The following LARP1B variants were observed in gnomAD, a reference collection of about 807,000 sequenced individuals.
LARP1B encodes La ribonucleoprotein 1B, also known as la-related protein 1B.
LARP1B carries 76 observed loss-of-function variants against 114.2 expected under a neutral mutation model. The observed-to-expected ratio is 0.67, with a 90% CI of 0.55 to 0.81. The LOEUF (loss-of-function observed/expected upper bound fraction) is 0.81. Among genes scored for constraint, LARP1B ranks in the 30% least tolerant of loss-of-function variants. The pLI is 0.00. For synonymous variants in LARP1B, 345 were observed against 348.0 expected, an observed-to-expected ratio of 0.99 and a Z score of 0.10; for missense variants, 1,014 against 1,075.8, an observed-to-expected ratio of 0.94 and a Z score of 0.80.
intron 11 of LARP1B, chr4:128,123,214 G>A (rs1456798931): frequency 1.0e-6 from 1 of 985,254 alleles, no homozygotes; most frequent in Non-Finnish European, 1.2e-6. Context: ...CTGCCTTCTT[G>A]GAGGACCTGC....
At chr4:128,081,808 C>T (rs35619904) in intron 4 of LARP1B, among the ~76,000 whole-genome samples, 88,476 of 152,136 alleles carry the variant, frequency 0.58, 26,673 homozygotes, top group Middle Eastern at 0.8. Flanking sequence ...GATCTCGGCT[C>T]ACTGCAAGCT....
At chr4:128,214,619 C>T (rs1203709539), downstream of LARP1B, among the ~76,000 whole-genome samples, 7 of 128,652 alleles carry the variant, frequency 5.4e-5, no homozygotes, top group African/African-American at 1.8e-4. Flanking sequence ...CCAGAAAGGA[C>T]ATCTACACCG....
At chr4:128,107,471 C>T (rs763259478) in intron 9 of LARP1B, 158 bp downstream of exon 9, 1 of 1,449,876 alleles carries the variant, frequency 6.9e-7, no homozygotes, top group South Asian at 1.5e-5. Flanking sequence ...TTGCCTCACT[C>T]ACAGAGTTAC....
intron 15 of LARP1B, among the ~76,000 whole-genome samples, chr4:128,192,835 T>G (rs374670970): frequency 4.0e-5 from 6 of 151,818 alleles, no homozygotes; most frequent in African/African-American, 1.2e-4. Context: ...TTTCTTTGTT[T>G]TTTTTTTTTA....
At chr4:128,103,817 C>T (rs1279269632) in intron 8 of LARP1B, among the ~76,000 whole-genome samples, 3 of 152,004 alleles carry the variant, frequency 2.0e-5, no homozygotes, top group Non-Finnish European at 4.4e-5. Flanking sequence ...CCGTCTCGGC[C>T]TCCCAAAGTG....
intron 5 of LARP1B, among the ~76,000 whole-genome samples, chr4:128,084,293 A>T (rs1177394571): frequency 6.6e-6 from 1 of 152,290 alleles, no homozygotes; most frequent in Non-Finnish European, 1.5e-5. Flanking sequence ...TGGAGGTTGT[A>T]GCGAGCTGAG....
At chr4:128,148,263 C>G (rs1309485964) in intron 11 of LARP1B, among the ~76,000 whole-genome samples, 1 of 151,916 alleles carries the variant, frequency 6.6e-6, no homozygotes, top group Admixed American at 6.6e-5. Flanking sequence ...AAGTCCCTCT[C>G]TACTAAAAAT....
intron 11 of LARP1B, among the ~76,000 whole-genome samples, chr4:128,160,205 G>C (rs1243456077): frequency 6.6e-6 from 1 of 152,208 alleles, no homozygotes; most frequent in Non-Finnish European, 1.5e-5. Context: ...TAGCCTTTGG[G>C]CCTGTAGTTT....
At chr4:128,213,979 T>G (rs1343926932), downstream of LARP1B, among the ~76,000 whole-genome samples, 1 of 151,688 alleles carries the variant, frequency 6.6e-6, no homozygotes, top group Non-Finnish European at 1.5e-5. Context: ...GGCGAGGCAT[T>G]GCCTCACCTG....
chr4:128,177,839 T>G (rs1229124125), intron 13 of LARP1B, among the ~76,000 whole-genome samples: 3 of 152,104 alleles, frequency 2.0e-5, no homozygotes, highest in African/African-American at 7.2e-5. Context: ...AGAGAAATGC[T>G]TGTACCTGTA....
intron 11 of LARP1B, among the ~76,000 whole-genome samples, chr4:128,132,886 C>A (rs1278881797): frequency 6.6e-6 from 1 of 151,934 alleles, no homozygotes; most frequent in Non-Finnish European, 1.5e-5. Context: ...GAGCCCTAAG[C>A]TTGTTTTTCT....
chr4:128,089,333 T>C (rs1473781874), intron 5 of LARP1B, among the ~76,000 whole-genome samples: 1 of 152,192 alleles, frequency 6.6e-6, no homozygotes, highest in African/African-American at 2.4e-5. Flanking sequence ...TAGCAATATA[T>C]GAATGTTCTA....
chr4:128,172,996 C>G (rs1744465878), intron 12 of LARP1B, among the ~76,000 whole-genome samples: 1 of 146,428 alleles, frequency 6.8e-6, no homozygotes, highest in Non-Finnish European at 1.5e-5. Flanking sequence ...AAAATCTCAG[C>G]TGTTGTCCTT....
intron 8 of LARP1B, among the ~76,000 whole-genome samples, chr4:128,098,750 T>TATATATATAA: frequency 3.7e-5 from 1 of 27,344 alleles, no homozygotes; most frequent in East Asian, 1.3e-3. Flanking sequence ...TGTATGTGTA[T>TATATATATAA]ATATATATAT....
intron 18 of LARP1B, 73 bp downstream of exon 18, chr4:128,206,610 G>T: frequency 6.6e-7 from 1 of 1,512,890 alleles, no homozygotes. Flanking sequence ...AATAGGGAAG[G>T]AGTTCATAGT....
intron 1 of LARP1B, chr4:128,069,191 A>T: frequency 9.0e-7 from 1 of 1,111,064 alleles, no homozygotes; most frequent in African/African-American, 1.5e-5. Context: ...ATTGGGTGTC[A>T]GGATTTCTTC....
chr4:128,112,120 AC>A (rs1784324841), intron 9 of LARP1B, among the ~76,000 whole-genome samples: 1 of 152,150 alleles, frequency 6.6e-6, no homozygotes, highest in South Asian at 2.1e-4. Flanking sequence ...TTTCACTTGT[AC>A]TTTTTTTGTG....
In LARP1B at chr4:128,200,403, C is replaced by T. The variant is rs1578673784; in HGVS notation, c.2165-118C>T. On this transcript the variant is annotated intron_variant, in intron 16 of 19. Transcript: ENST00000326639. Reference sequence around the variant, plus strand: ...AGATCCCCACTCTATTTAGAAGAAACCTAAATACACTTTGAGGATTAATAT... The same window carrying T: ...AGATCCCCACTCTATTTAGAAGAAATCTAAATACACTTTGAGGATTAATAT... 3.4e-5 allele frequency: 23 copies of T among 686,260 alleles called. No individual in the cohort carries two copies. In the East Asian group the frequency reaches 7.1e-4, roughly 21 times the overall value. The allele number at this position is 686,260 out of a possible 1,614,324, so 42.5% of individuals were successfully genotyped here. A position where few individuals can be genotyped will look rare whatever the true frequency, so the allele number is the denominator to read the frequency against.
intron 12 of LARP1B, among the ~76,000 whole-genome samples, chr4:128,163,695 TTTTG>T (rs1213184394): frequency 5.3e-5 from 8 of 152,112 alleles, no homozygotes; most frequent in Non-Finnish European, 7.4e-5. Flanking sequence ...CTAATGAAGT[TTTTG>T]TTTGTTTGTT....
Sources: allele counts gnomAD v4.1 joint callset (sites outside exome capture counted in the v4.1 genomes callset), GRCh38; gene constraint gnomAD v4.1.1; transcripts MANE v1.5; gene names NCBI Gene and HGNC (gene_info 2026-07-23, HGNC 2026-07-21).